EIF2AK4: variants seen among roughly 807,000 people sequenced by gnomAD.
The protein encoded by EIF2AK4 is eukaryotic translation initiation factor 2 alpha kinase 4, also known as eIF-2-alpha kinase GCN2.
A neutral mutation model predicts 211.1 loss-of-function variants in EIF2AK4; 139 were observed. That is an observed-to-expected ratio of 0.66 (90% CI 0.57 to 0.76). The LOEUF (loss-of-function observed/expected upper bound fraction) is 0.76, where lower values mean the gene tolerates loss of function less well. Ranked by LOEUF, EIF2AK4 falls within the 30% of genes least tolerant of loss-of-function variation. EIF2AK4 has a pLI of 0.00. For missense variants in EIF2AK4, 1,664 were observed against 2,043.8 expected, an observed-to-expected ratio of 0.81 and a Z score of 3.58; for synonymous variants, 710 against 751.3, an observed-to-expected ratio of 0.94 and a Z score of 0.90.
At position 39,976,788 on chromosome 15, in the gene EIF2AK4, C is replaced by A. The variant is rs1341158518; in HGVS notation, c.2193C>A (p.Ser731Arg). The A allele has an allele frequency of 5.1e-6, 8 of 1,582,012 alleles. No homozygotes were observed. Among genetic ancestry groups the A allele is most frequent in the Non-Finnish European group, 6.0e-6 (7 of 1,167,618 alleles). The change falls in exon 12 of 39, where the codon AGC (serine) becomes AGA (arginine). Residue 731 changes from serine (S) to arginine (R), a missense_variant. This residue lies in a region of EIF2AK4 where 206 missense variants were observed against 201.9 expected (regional missense o/e 1.02). Transcript: ENST00000263791. ...ARFPATGPGS[S>R]DDEDDDEDEH... is the part of the protein sequence containing the mutation. ...TCCCCGCCACCGGCCCGGGCTCCAG[C>A]GATGACGAGGACGACGACGAGGACG...
At chr15:40,033,463 G>A (rs1017167785) in intron 37 of EIF2AK4, among the ~76,000 whole-genome samples, 2 of 152,086 alleles carry the variant, frequency 1.3e-5, no homozygotes, top group Non-Finnish European at 2.9e-5. Context: ...AATTTGAATA[G>A]TTATCTTTGC....
intron 15 of EIF2AK4, among the ~76,000 whole-genome samples, chr15:39,989,660 C>T (rs117184880): frequency 7.0e-4 from 107 of 152,326 alleles, no homozygotes; most frequent in Admixed American, 3.7e-3. Context: ...CCAGAATTTA[C>T]CTTCATGTAA....
chr15:40,008,000 C>G, intron 24 of EIF2AK4, 27 bp from the exon 25 acceptor site: 1 of 1,482,924 alleles, frequency 6.7e-7, no homozygotes, highest in African/African-American at 1.4e-5. Flanking sequence ...AAGCAATGAC[C>G]TTAGAAATCT....
intron 29 of EIF2AK4, among the ~76,000 whole-genome samples, 162 bp from the exon 30 acceptor site, chr15:40,018,931 A>T (rs1287756050): frequency 6.6e-6 from 1 of 152,222 alleles, no homozygotes; most frequent in Non-Finnish European, 1.5e-5. Flanking sequence ...CTAAATTTGC[A>T]TGTGTGCTTG....
chr15:40,024,291 T>C (rs920597464), intron 32 of EIF2AK4, among the ~76,000 whole-genome samples: 6 of 150,582 alleles, frequency 4.0e-5, no homozygotes, highest in African/African-American at 1.5e-4. Flanking sequence ...CAAGCAATCT[T>C]CTCACCTCAG....
intron 7 of EIF2AK4, among the ~76,000 whole-genome samples, chr15:39,962,893 T>C (rs1374657389): frequency 6.6e-6 from 1 of 152,166 alleles, no homozygotes; most frequent in Non-Finnish European, 1.5e-5. Flanking sequence ...ATAGAAACCA[T>C]TTGTACATAG....
chr15:39,942,169 G>A (rs1242326422), intron 2 of EIF2AK4, among the ~76,000 whole-genome samples: 2 of 151,916 alleles, frequency 1.3e-5, no homozygotes, highest in African/African-American at 4.8e-5. Flanking sequence ...TTATCCTTTT[G>A]AATGTGGTAC....
chr15:40,020,445 C>T (rs1036064298), intron 30 of EIF2AK4: 5 of 149,966 alleles, frequency 3.3e-5, no homozygotes, highest in African/African-American at 7.3e-5. Context: ...GCCAGAAGTT[C>T]GAGACCAGCC....
chr15:39,967,684 T>A lies in EIF2AK4; in HGVS notation c.1358T>A (p.Ile453Asn). The stretch of plus-strand genomic sequence containing the variant: ...AGCATTTCTAAGCGCCTCGCAGACA[T>A]TTGCAAGGAGGATGTGTTTGAGCAA... ...DYSISKRLAD[I>N]CKEDVFEQTR... is the part of the protein sequence containing the mutation. The change falls in exon 9 of 39, where the codon ATT becomes AAT. Residue 453 changes from isoleucine (I) to asparagine (N), a missense_variant. Coordinates refer to ENST00000263791, the MANE Select transcript of EIF2AK4 (RefSeq NM_001013703.4). 1 of 1,614,146 alleles carries A rather than the reference T, an allele frequency of 6.2e-7. No individual in the cohort carries two copies. The highest frequency in any genetic ancestry group is 8.5e-7 in the Non-Finnish European group (1 of 1,180,020).
At chr15:40,001,633 CAAAAAAAAAAAA>C (rs11383908) in intron 21 of EIF2AK4, among the ~76,000 whole-genome samples, 1 of 120,352 alleles carries the variant, frequency 8.3e-6, no homozygotes, top group Non-Finnish European at 1.6e-5. Context: ...GACCCCAACT[CAAAAAAAAAAAA>C]AAAAAAGAAA....
At chr15:40,026,530 C>T (rs1015265728) in intron 33 of EIF2AK4, among the ~76,000 whole-genome samples, 1 of 152,078 alleles carries the variant, frequency 6.6e-6, no homozygotes, top group African/African-American at 2.4e-5. Context: ...TTTAATGAAC[C>T]ATTCTGTTGC....
chr15:39,977,014 G>A (rs1028044767), intron 12 of EIF2AK4, 170 bp downstream of exon 12: 5 of 782,166 alleles, frequency 6.4e-6, no homozygotes, highest in Non-Finnish European at 8.9e-6. Flanking sequence ...TCAGTGGCGC[G>A]TCCTTGGCTG....
At chr15:39,987,241 C>T (rs187665011) in intron 14 of EIF2AK4, among the ~76,000 whole-genome samples, 8 of 152,290 alleles carry the variant, frequency 5.3e-5, no homozygotes, top group East Asian at 3.9e-4. Flanking sequence ...ATCAGGATCA[C>T]GGTGTGGGCA....
chr15:40,019,276 C>A, intron 30 of EIF2AK4, 76 bp downstream of exon 30: 3 of 1,130,726 alleles, frequency 2.7e-6, no homozygotes, highest in South Asian at 1.6e-5. Context: ...CTTTTGCAGT[C>A]ATTTACATGG....
intron 6 of EIF2AK4, among the ~76,000 whole-genome samples, chr15:39,960,914 A>G (rs2034462975): frequency 6.6e-6 from 1 of 152,172 alleles, no homozygotes; most frequent in Admixed American, 6.5e-5. Flanking sequence ...GTGAAAGTAA[A>G]AGTCAAAATC....
intron 30 of EIF2AK4, 101 bp from the exon 31 acceptor site, chr15:40,020,798 G>A (rs1595433978): frequency 1.0e-6 from 1 of 990,076 alleles, no homozygotes; most frequent in Non-Finnish European, 1.4e-6. Context: ...TTTCAAGAAT[G>A]CCCATCTTCC....
chr15:39,957,232 G>T (rs1171078197), intron 6 of EIF2AK4, among the ~76,000 whole-genome samples: 1 of 152,166 alleles, frequency 6.6e-6, no homozygotes, highest in Non-Finnish European at 1.5e-5. Flanking sequence ...CTATTTTTGT[G>T]GCTAACTATA....
chr15:40,019,253 A>G, intron 30 of EIF2AK4, 53 bp downstream of exon 30: 3 of 1,402,262 alleles, frequency 2.1e-6, no homozygotes, highest in Non-Finnish European at 2.9e-6. Flanking sequence ...TCATTTCTAA[A>G]AGTATGATTT....
chr15:40,007,771 T>G (rs1269433252), intron 24 of EIF2AK4, among the ~76,000 whole-genome samples: 1 of 152,128 alleles, frequency 6.6e-6, no homozygotes, highest in Non-Finnish European at 1.5e-5. Flanking sequence ...AAGGTAAAAT[T>G]TTTTGGTGTA....
Sources: allele counts gnomAD v4.1 joint callset (sites outside exome capture counted in the v4.1 genomes callset), GRCh38; gene constraint gnomAD v4.1.1; regional missense constraint gnomAD v4.1.1; transcripts MANE v1.5; gene names NCBI Gene and HGNC (gene_info 2026-07-23, HGNC 2026-07-21).